Variants in ATRX observed in about 807,000 individuals in gnomAD.
ATRX encodes the protein chromatin remodeler ATRX.
In ATRX, 12 loss-of-function variants were observed where a neutral mutation model predicts 172.6. The observed-to-expected ratio is 0.07, with a 90% confidence interval of 0.04 to 0.11. ATRX has a LOEUF of 0.11. ATRX is among the 10% of genes least tolerant of loss of function. ATRX has a pLI of 1.00. For missense variants in ATRX, 1,368 were observed against 1,767.4 expected (o/e 0.77, Z 4.05); for synonymous variants, 674 against 594.7 (o/e 1.13, Z -1.94).
At chrX:77,627,405 A>T (rs1223705406) in intron 19 of ATRX, among the ~76,000 whole-genome samples, 1 of 111,602 alleles carries the variant, frequency 9.0e-6, no homozygotes, top group Non-Finnish European at 1.9e-5. Context: ...ATAAAAAATT[A>T]AAAATAAGTA....
chrX:77,577,373 T>C (rs1300937177), intron 27 of ATRX, among the ~76,000 whole-genome samples: 1 of 111,533 alleles, frequency 9.0e-6, no homozygotes, highest in East Asian at 2.8e-4. Context: ...TTAGTGATGC[T>C]AGACATCTTT....
At chrX:77,589,780 G>A in intron 27 of ATRX, 54 bp downstream of exon 27, 1 of 1,017,136 alleles carries the variant, frequency 9.8e-7, no homozygotes, top group South Asian at 2.0e-5. Flanking sequence ...TGTTTGTATG[G>A]TATGTTTAAA....
chrX:77,508,787 T>C lies in ATRX; in HGVS notation c.7201-158A>G, dbSNP rs782301027. Among the ~76,000 whole-genome samples, 12 of 112,310 alleles carry C rather than the reference T, an allele frequency of 1.1e-4. No homozygotes were observed. The South Asian group carries it at 4.1e-3, about 38-fold the overall frequency. ...TAATGTGATGGCATTCACAGGACCA[T>C]TACTGTAGAAACCAGTTAGTAAGAT... On this transcript the variant is annotated intron_variant, in intron 34 of 34. Transcript: ENST00000373344.
At chrX:77,713,030 T>A (rs1557162382) in intron 2 of ATRX, among the ~76,000 whole-genome samples, 1 of 109,278 alleles carries the variant, frequency 9.2e-6, no homozygotes, top group Non-Finnish European at 1.9e-5. Context: ...ATGACTGTAG[T>A]CTCAGCTACT....
intron 1 of ATRX, among the ~76,000 whole-genome samples, chrX:77,731,872 T>TC (rs1483307358): frequency 7.2e-5 from 8 of 110,462 alleles, no homozygotes; most frequent in African/African-American, 2.6e-4. Context: ...TCACCATCCT[T>TC]CAAGTGTCCA....
chrX:77,644,158 T>C (rs1482830026), intron 15 of ATRX, among the ~76,000 whole-genome samples: 1 of 112,009 alleles, frequency 8.9e-6, no homozygotes, highest in African/African-American at 3.3e-5. Context: ...GCTAGGCTGG[T>C]CTCGAACTCC....
intron 1 of ATRX, among the ~76,000 whole-genome samples, chrX:77,723,638 C>G (rs1473077943): frequency 9.0e-6 from 1 of 111,626 alleles, no homozygotes; most frequent in Non-Finnish European, 1.9e-5. Flanking sequence ...CATCAGGTCA[C>G]TGTGTCCTTA....
Position 77,683,285 on chromosome X carries a change from T to A in ATRX, c.1971A>T (p.Pro657=). 1 of 1,210,447 alleles carries A rather than the reference T, an allele frequency of 8.3e-7. No homozygotes were observed. The highest frequency in any genetic ancestry group is 1.8e-5 in the South Asian group (1 of 56,952). The change falls in exon 9 of 35, where the codon CCA becomes CCT. Residue 657 remains proline, a synonymous_variant. Transcript: ENST00000373344. ...GCCTCAAGGGTGTAGTCTTTACACG[T>A]GGGGATCTTCGAAGATCAGATTCCT... ...LLEESDLRRS[P]RVKTTPLRRP...
chrX:77,668,104 CA>C (rs1221525445), intron 10 of ATRX, among the ~76,000 whole-genome samples: 1 of 111,882 alleles, frequency 8.9e-6, no homozygotes, highest in Non-Finnish European at 1.9e-5. Context: ...TAATAACCTA[CA>C]TTTCAAAATT....
chrX:77,533,057 C>T (rs1254672779), intron 30 of ATRX, among the ~76,000 whole-genome samples: 1 of 112,147 alleles, frequency 8.9e-6, no homozygotes, highest in African/African-American at 3.2e-5. Flanking sequence ...CATCACTGAT[C>T]GTTAGAGAAA....
intron 25 of ATRX, among the ~76,000 whole-genome samples, chrX:77,597,606 AC>A (rs1331267236): frequency 8.9e-6 from 1 of 111,997 alleles, no homozygotes; most frequent in African/African-American, 3.2e-5. Context: ...CAGCAAAAAA[AC>A]AAGTAACTCC....
At chrX:77,685,283 G>C (rs1041167213) in intron 7 of ATRX, among the ~76,000 whole-genome samples, 15 of 111,626 alleles carry the variant, frequency 1.3e-4, no homozygotes, top group African/African-American at 4.5e-4. Context: ...TTTGCAAAGT[G>C]CCCATCTGAC....
In ATRX at chrX:77,593,854, A is replaced by G. The variant is rs371247036; in HGVS notation, c.5957-5T>C. ...TAGAAGAAGAAGTAGCTTTACCTAA[A>G]TAAGACAAATGGAACATAAGTAGGT... On this transcript the variant is annotated splice_polypyrimidine_tract_variant and splice_region_variant and intron_variant, in intron 25 of 34. Coordinates refer to ENST00000373344, the MANE Select transcript of ATRX (RefSeq NM_000489.6). The G allele has an allele frequency of 8.3e-6, 10 of 1,200,886 alleles. No individual in the cohort carries two copies. Among genetic ancestry groups the G allele is most frequent in the Non-Finnish European group, 1.1e-5 (10 of 887,769 alleles).
chrX:77,740,109 A>G (rs915922576), intron 1 of ATRX, among the ~76,000 whole-genome samples: 10 of 106,953 alleles, frequency 9.3e-5, no homozygotes, highest in Non-Finnish European at 1.7e-4. Context: ...AAAACTCACC[A>G]GGCAGCTATA....
chrX:77,650,197 A>G (rs1263093334), intron 15 of ATRX, among the ~76,000 whole-genome samples: 1 of 112,160 alleles, frequency 8.9e-6, no homozygotes, highest in African/African-American at 3.2e-5. Flanking sequence ...AAAGTGGAAC[A>G]AAGTTAGAGG....
chrX:77,657,516 T>TCC (rs1291435367), intron 12 of ATRX, among the ~76,000 whole-genome samples: 3 of 111,062 alleles, frequency 2.7e-5, no homozygotes, highest in Non-Finnish European at 5.7e-5. Context: ...TTGAAGGAGC[T>TCC]CCCAACAACC....
intron 27 of ATRX, among the ~76,000 whole-genome samples, chrX:77,578,658 G>A (rs2065716914): frequency 8.9e-6 from 1 of 112,090 alleles, no homozygotes. Flanking sequence ...TACACATTGT[G>A]GGGCATGGAT....
At chrX:77,577,948 G>A (rs1221228314) in intron 27 of ATRX, among the ~76,000 whole-genome samples, 1 of 111,827 alleles carries the variant, frequency 8.9e-6, no homozygotes, top group East Asian at 2.8e-4. Context: ...GGCACAGAAG[G>A]GGAAAGACAA....
chrX:77,663,608 C>T (rs1238963244), intron 11 of ATRX, 50 bp from the exon 12 acceptor site: 2 of 1,073,767 alleles, frequency 1.9e-6, no homozygotes, highest in African/African-American at 3.6e-5. Context: ...TTTAAAATGC[C>T]TCGTATATCT....
Sources: allele counts gnomAD v4.1 joint callset (sites outside exome capture counted in the v4.1 genomes callset), GRCh38; gene constraint gnomAD v4.1.1; transcripts MANE v1.5; gene names NCBI Gene and HGNC (gene_info 2026-07-23, HGNC 2026-07-21).